Variants in RARB observed in about 807,000 individuals in gnomAD.
RARB encodes retinoic acid receptor beta.
A neutral mutation model predicts 51.9 loss-of-function variants in RARB; 17 were observed. The observed-to-expected ratio is 0.33, with a 90% CI of 0.22 to 0.49. RARB has a LOEUF of 0.49. RARB is among the 20% of genes least tolerant of loss of function. The pLI is 0.99. For synonymous variants in RARB, 215 were observed against 195.4 expected, an observed-to-expected ratio of 1.10 and a Z score of -0.84; for missense variants, 369 against 550.8, an observed-to-expected ratio of 0.67 and a Z score of 3.30.
chr3:24,901,320 A>G (rs1703599980), intron 2 of RARB, among the ~76,000 whole-genome samples: 1 of 152,218 alleles, frequency 6.6e-6, no homozygotes, highest in African/African-American at 2.4e-5. Context: ...CAAAGAAAAT[A>G]GAGGGAAAGA....
At position 25,501,139 on chromosome 3, in the gene RARB, C is replaced by A. The variant is rs1697292069; in HGVS notation, c.307-43C>A. 2.0e-6 allele frequency: 3 copies of A among 1,536,278 alleles called. No individual in the cohort carries two copies. The East Asian group carries it at 7.3e-5, about 37-fold the overall frequency. On this transcript the variant is annotated intron_variant, in intron 2 of 7. Coordinates refer to ENST00000330688, the MANE Select transcript of RARB (RefSeq NM_000965.5). Reference sequence around the variant, plus strand: ...GTTGGCTTTGATTTCTGATGAAGCTCATTTGCTTTACTGAGTTTTTTCATC... The same window carrying A: ...GTTGGCTTTGATTTCTGATGAAGCTAATTTGCTTTACTGAGTTTTTTCATC...
At chr3:24,855,091 G>A (rs1702615036) in intron 1 of RARB, among the ~76,000 whole-genome samples, 1 of 152,198 alleles carries the variant, frequency 6.6e-6, no homozygotes, top group South Asian at 2.1e-4. Flanking sequence ...AAGACGGAGT[G>A]TTTTCACTTT....
intron 2 of RARB, among the ~76,000 whole-genome samples, chr3:25,015,869 T>C (rs1253282735): frequency 6.6e-6 from 1 of 152,216 alleles, no homozygotes; most frequent in Non-Finnish European, 1.5e-5. Context: ...AGTACTCTGA[T>C]TCTACATAAA....
At chr3:25,370,037 C>G (rs1417447414) in intron 5 of RARB, among the ~76,000 whole-genome samples, 1 of 152,106 alleles carries the variant, frequency 6.6e-6, no homozygotes, top group Non-Finnish European at 1.5e-5. Context: ...GAAAACAGAA[C>G]AAAACACACA....
Position 25,231,876 on chromosome 3 carries a change from T to C in RARB, c.178+57301T>C, listed in dbSNP as rs371177345. On this transcript the variant is annotated intron_variant, in intron 5 of 11. Coordinates refer to the RARB transcript ENST00000383772. ...CTTCATAGCAGATCTTTTCATTCTCTTAGTGTTTTTTACAGAGCAAAAGCT... is the reference window on the plus strand; with the variant it reads ...CTTCATAGCAGATCTTTTCATTCTCCTAGTGTTTTTTACAGAGCAAAAGCT... Among the ~76,000 whole-genome samples, 208 of 152,246 alleles carry C rather than the reference T, an allele frequency of 1.4e-3. 1 individual carries two copies. The highest frequency in any genetic ancestry group is 4.8e-3 in the African/African-American group (200 of 41,568).
chr3:25,117,027 C>T (rs951192926), intron 3 of RARB, among the ~76,000 whole-genome samples: 4 of 152,124 alleles, frequency 2.6e-5, no homozygotes, highest in African/African-American at 9.7e-5. Flanking sequence ...ATAGACCAGC[C>T]AGAAATCATC....
chr3:25,315,541 G>C (rs1360963332), intron 5 of RARB, among the ~76,000 whole-genome samples: 1 of 152,118 alleles, frequency 6.6e-6, no homozygotes, highest in Non-Finnish European at 1.5e-5. Context: ...GCACTGGCAA[G>C]AGATGGAAGA....
intron 2 of RARB, among the ~76,000 whole-genome samples, chr3:25,007,078 G>C (rs1367715488): frequency 5.9e-5 from 9 of 152,146 alleles, no homozygotes; most frequent in Non-Finnish European, 2.9e-5. Flanking sequence ...TTTCACTCCT[G>C]AGTTTGATTT....
At chr3:25,062,726 C>G (rs561033018) in intron 3 of RARB, among the ~76,000 whole-genome samples, 146 of 152,018 alleles carry the variant, frequency 9.6e-4, no homozygotes, top group Non-Finnish European at 1.5e-3. Flanking sequence ...TGTTTAGAGA[C>G]AGAAAGTGGC....
intron 3 of RARB, among the ~76,000 whole-genome samples, chr3:25,089,205 T>C (rs1699153867): frequency 6.6e-6 from 1 of 152,006 alleles, no homozygotes; most frequent in South Asian, 2.1e-4. Flanking sequence ...TTTATTTTGG[T>C]TTTCCTCCAT....
intron 5 of RARB, among the ~76,000 whole-genome samples, chr3:25,349,360 G>A (rs532034793): frequency 1.3e-5 from 2 of 152,328 alleles, no homozygotes; most frequent in South Asian, 4.1e-4. Context: ...TGTGGCTGCT[G>A]TATGAGGTTG....
In RARB at chr3:25,339,699, C is replaced by T. The variant is rs190197489; in HGVS notation, c.179-121494C>T. Among the ~76,000 whole-genome samples, 390 of 151,882 alleles carry T rather than the reference C, an allele frequency of 2.6e-3. 3 individuals are homozygous for T. The highest frequency in any genetic ancestry group is 8.8e-3 in the African/African-American group (364 of 41,446). ...GCACAGGGATCTTGCTCTCTTGGATCCTGTGTTATAGCCGTGGTTTGGATG... is the reference window on the plus strand; with the variant it reads ...GCACAGGGATCTTGCTCTCTTGGATTCTGTGTTATAGCCGTGGTTTGGATG... On this transcript the variant is annotated intron_variant, in intron 5 of 11. Coordinates refer to the RARB transcript ENST00000383772.
intron 3 of RARB, among the ~76,000 whole-genome samples, chr3:25,519,315 C>T (rs896770833): frequency 5.9e-5 from 9 of 151,928 alleles, no homozygotes; most frequent in Non-Finnish European, 1.3e-4. Context: ...CACAGGGACA[C>T]GTGTTTAATT....
At chr3:25,494,253 G>GCGCGCGCACTCA (rs1553623183) in intron 2 of RARB, among the ~76,000 whole-genome samples, 1 of 131,852 alleles carries the variant, frequency 7.6e-6, no homozygotes, top group African/African-American at 2.6e-5. Flanking sequence ...TGTATCTTAC[G>GCGCGCGCACTCA]CACACACACA....
intron 5 of RARB, chr3:25,345,830 C>G: frequency 3.7e-6 from 3 of 815,306 alleles, no homozygotes; most frequent in Non-Finnish European, 4.4e-6. Context: ...TTAATTTTTG[C>G]TACCTAAGAG....
chr3:25,591,950 T>G (rs1052468078), intron 5 of RARB, among the ~76,000 whole-genome samples: 32 of 152,202 alleles, frequency 2.1e-4, no homozygotes, highest in Non-Finnish European at 2.9e-5. Context: ...TGTCCCATCA[T>G]GGTTCATGTG....
chr3:25,153,400 A>T (rs1490993280), intron 4 of RARB, among the ~76,000 whole-genome samples: 1 of 152,178 alleles, frequency 6.6e-6, no homozygotes, highest in East Asian at 1.9e-4. Flanking sequence ...TACGAAGGAC[A>T]TGCAGAGATA....
chr3:25,017,819 A>G (rs1265221214), intron 2 of RARB, among the ~76,000 whole-genome samples: 2 of 152,100 alleles, frequency 1.3e-5, no homozygotes, highest in African/African-American at 4.8e-5. Flanking sequence ...TCCCCCTACA[A>G]ATTCATATAT....
intron 5 of RARB, among the ~76,000 whole-genome samples, chr3:25,186,966 A>G (rs1482602605): frequency 7.0e-6 from 1 of 143,216 alleles, no homozygotes; most frequent in African/African-American, 2.6e-5. Flanking sequence ...GATGAAGAGT[A>G]GCCAGTCATA....
Sources: allele counts gnomAD v4.1 joint callset (sites outside exome capture counted in the v4.1 genomes callset), GRCh38; gene constraint gnomAD v4.1.1; transcripts MANE v1.5; gene names NCBI Gene and HGNC (gene_info 2026-07-23, HGNC 2026-07-21).